MEGF10: variants seen among roughly 807,000 people sequenced by gnomAD.
MEGF10 encodes multiple EGF like domains 10.
MEGF10 carries 86 observed loss-of-function variants against 147.5 expected under a neutral mutation model. The observed-to-expected ratio is 0.58, with a 90% CI of 0.49 to 0.70. MEGF10 has a LOEUF of 0.70. MEGF10 is among the 30% of genes least tolerant of loss of function. MEGF10 has a pLI of 0.00. For missense variants in MEGF10, 1,329 were observed against 1,487.3 expected, an observed-to-expected ratio of 0.89 and a Z score of 1.75; for synonymous variants, 478 against 525.5, an observed-to-expected ratio of 0.91 and a Z score of 1.24.
chr5:127,370,613 T>C (rs974890697), intron 5 of MEGF10, among the ~76,000 whole-genome samples: 1 of 152,258 alleles, frequency 6.6e-6, no homozygotes, highest in Non-Finnish European at 1.5e-5. Context: ...GTTAGAATTA[T>C]AATTCTAAAA....
chr5:127,341,554 C>T (rs1761685155), intron 4 of MEGF10, among the ~76,000 whole-genome samples: 1 of 152,120 alleles, frequency 6.6e-6, no homozygotes, highest in Non-Finnish European at 1.5e-5. Context: ...TTTGCTGTCT[C>T]AGAGATAGGG....
chr5:127,344,655 G>GA lies in MEGF10; in HGVS notation c.319+4034dup, dbSNP rs990756827. ...CATACGTATTAAATAATTTCGACTT[G>GA]AAAAAAAAAGTTGAGAAAATTCTCC... On this transcript the variant is annotated intron_variant, in intron 4 of 24. Coordinates refer to ENST00000503335, the MANE Select transcript of MEGF10 (RefSeq NM_001256545.2). Among the ~76,000 whole-genome samples the GA allele has an allele frequency of 8.0e-5, 12 of 150,428 alleles. No homozygotes were observed. In the East Asian group the frequency reaches 1.7e-3, roughly 22 times the overall value.
intron 19 of MEGF10, among the ~76,000 whole-genome samples, chr5:127,443,700 G>T (rs1389009736): frequency 1.3e-5 from 2 of 151,904 alleles, no homozygotes; most frequent in Non-Finnish European, 2.9e-5. Flanking sequence ...TACTCTTTTG[G>T]GTCTGGCTTT....
At chr5:127,403,188 T>C (rs1764194637) in intron 8 of MEGF10, among the ~76,000 whole-genome samples, 1 of 152,214 alleles carries the variant, frequency 6.6e-6, no homozygotes, top group Non-Finnish European at 1.5e-5. Flanking sequence ...AAAATGGCTG[T>C]GCTCATGCGG....
chr5:127,282,983 AT>A, the MEGF10 span, among the ~76,000 whole-genome samples: 3 of 151,756 alleles, frequency 2.0e-5, no homozygotes, highest in African/African-American at 2.4e-5. Flanking sequence ...TATGGCTTTG[AT>A]TTTTTTTTCC....
At chr5:127,424,038 T>C (rs1053533581) in intron 13 of MEGF10, among the ~76,000 whole-genome samples, 1 of 152,224 alleles carries the variant, frequency 6.6e-6, no homozygotes, top group Non-Finnish European at 1.5e-5. Context: ...CATTCTGAGG[T>C]AATTTTTACA....
chr5:127,254,431 C>A, the MEGF10 span, among the ~76,000 whole-genome samples: 1 of 151,994 alleles, frequency 6.6e-6, no homozygotes, highest in African/African-American at 2.4e-5. Flanking sequence ...AATGCAAAAG[C>A]TTTTTTTATG....
chr5:127,435,306 G>T (rs1765516476), intron 15 of MEGF10, 55 bp from the exon 16 acceptor site: 1 of 1,602,998 alleles, frequency 6.2e-7, no homozygotes, highest in Non-Finnish European at 8.5e-7. Context: ...TAAGATTCTA[G>T]GGTTCTGCGA....
At chr5:127,326,035 C>A (rs1406397881) in intron 1 of MEGF10, among the ~76,000 whole-genome samples, 1 of 151,152 alleles carries the variant, frequency 6.6e-6, no homozygotes, top group East Asian at 1.9e-4. Flanking sequence ...TATACTCCAC[C>A]CCTCTCAGTA....
the MEGF10 span, among the ~76,000 whole-genome samples, chr5:127,247,249 T>C: frequency 3.5e-4 from 50 of 144,014 alleles, 1 homozygote; most frequent in African/African-American, 1.3e-3. Flanking sequence ...CAGAAAGTAT[T>C]ATTATTCCAA....
In MEGF10 at chr5:127,425,831, G is replaced by A. The variant is rs1418952081; in HGVS notation, c.1693+3059G>A. Among the ~76,000 whole-genome samples the A allele has an allele frequency of 2.0e-5, 3 of 152,280 alleles. No individual in the cohort carries two copies. In the East Asian group the frequency reaches 5.8e-4, roughly 29 times the overall value. Reference sequence around the variant, plus strand: ...GATAAACATAAGCCCAGAGAAGCAAGCAATTCTATTTCTTCTCATCCCTGT... The same window carrying A: ...GATAAACATAAGCCCAGAGAAGCAAACAATTCTATTTCTTCTCATCCCTGT... On this transcript the variant is annotated intron_variant, in intron 13 of 24. Transcript: ENST00000503335.
the MEGF10 span, among the ~76,000 whole-genome samples, chr5:127,256,961 T>A: frequency 2.6e-5 from 4 of 152,162 alleles, no homozygotes; most frequent in South Asian, 8.3e-4. Context: ...CTCTTCTTCA[T>A]AAGGAAGAGG....
At chr5:127,353,699 G>A (rs1241618796) in intron 4 of MEGF10, among the ~76,000 whole-genome samples, 1 of 152,158 alleles carries the variant, frequency 6.6e-6, no homozygotes, top group Non-Finnish European at 1.5e-5. Context: ...GTAAAGGAAG[G>A]GACTGTTCTG....
intron 13 of MEGF10, among the ~76,000 whole-genome samples, chr5:127,429,571 G>A (rs1365616738): frequency 6.6e-6 from 1 of 152,190 alleles, no homozygotes; most frequent in East Asian, 1.9e-4. Context: ...AACAGGCATT[G>A]TCTCTCCCTC....
intron 24 of MEGF10, 133 bp from the exon 25 acceptor site, chr5:127,456,995 T>C: frequency 1.1e-6 from 1 of 933,872 alleles, no homozygotes; most frequent in South Asian, 2.0e-5. Context: ...TTTAAAATCA[T>C]GTTTTTAAAA....
intron 1 of MEGF10, among the ~76,000 whole-genome samples, chr5:127,295,444 T>C (rs1396907815): frequency 6.6e-6 from 1 of 152,232 alleles, no homozygotes; most frequent in African/African-American, 2.4e-5. Context: ...TTTGTCTTAC[T>C]TAGTTTATGA....
chr5:127,252,056 G>A, the MEGF10 span, among the ~76,000 whole-genome samples: 1,366 of 152,006 alleles, frequency 9.0e-3, 17 homozygotes, highest in African/African-American at 0.031. Flanking sequence ...GTAAATTAAT[G>A]TGATACATTT....
chr5:127,335,028 C>T (rs1761408563), intron 2 of MEGF10, among the ~76,000 whole-genome samples: 1 of 152,120 alleles, frequency 6.6e-6, no homozygotes. Flanking sequence ...GCTGGGGTTT[C>T]TCCCCAGATA....
chr5:127,410,427 T>C lies in MEGF10; in HGVS notation c.956T>C (p.Leu319Pro), dbSNP rs991317565. Residue 319 changes from leucine to proline, a missense_variant, in exon 9 of 25, where the codon CTC (leucine) becomes CCC (proline). By Grantham distance (98) the Leu-to-Pro change is moderately conservative (BLOSUM62 -3). Coordinates refer to ENST00000503335, the MANE Select transcript of MEGF10 (RefSeq NM_001256545.2). ...DECPVGTYGV[L>P]CAETCQCVNG... ...TGTCCTGTTGGGACCTATGGCGTTC[T>C]CTGTGCTGAGACCTGCCAGTGTGTC... is the stretch of plus-strand genomic sequence containing the variant. 5 of 1,614,268 alleles carry C rather than the reference T, an allele frequency of 3.1e-6. No individual in the cohort carries two copies. In the Admixed American group the frequency reaches 5.0e-5, roughly 16 times the overall value.
Sources: allele counts gnomAD v4.1 joint callset (sites outside exome capture counted in the v4.1 genomes callset), GRCh38; gene constraint gnomAD v4.1.1; transcripts MANE v1.5; gene names NCBI Gene and HGNC (gene_info 2026-07-23, HGNC 2026-07-21).